Variants in ATRNL1 observed in about 807,000 individuals in gnomAD.
ATRNL1 encodes attractin like 1.
ATRNL1 carries 95 observed loss-of-function variants against 182.7 expected under a neutral mutation model. That is an observed-to-expected ratio of 0.52 (90% CI 0.44 to 0.62). The LOEUF is 0.62. ATRNL1 is among the 20% of genes least tolerant of loss of function. ATRNL1 has a pLI of 0.00. For missense variants in ATRNL1, 1,471 were observed against 1,679.5 expected, an observed-to-expected ratio of 0.88 and a Z score of 2.17; for synonymous variants, 576 against 568.3, an observed-to-expected ratio of 1.01 and a Z score of -0.19.
intron 25 of ATRNL1, among the ~76,000 whole-genome samples, chr10:115,540,721 C>G (rs899502564): frequency 1.3e-5 from 2 of 148,592 alleles, no homozygotes; most frequent in African/African-American, 2.5e-5. Context: ...CATGCCATTG[C>G]ACTCCAGCCT....
chr10:115,763,420 G>C lies in ATRNL1; in HGVS notation c.3903+36065G>C, dbSNP rs533684399. 2.6e-5 allele frequency among the ~76,000 whole-genome samples: 4 copies of C among 152,260 alleles called. No homozygotes were observed. The East Asian group carries it at 7.7e-4, about 29-fold the overall frequency. ...GAAACTAATTATGCTCAGGAGAAGTGGGGTAATTATTTCAATGAGAGGGCA... is the reference window on the plus strand; with the variant it reads ...GAAACTAATTATGCTCAGGAGAAGTCGGGTAATTATTTCAATGAGAGGGCA... On this transcript the variant is annotated intron_variant, in intron 27 of 28. Coordinates refer to ENST00000355044, the MANE Select transcript of ATRNL1 (RefSeq NM_207303.4).
At chr10:115,493,252 C>T (rs1343720265) in intron 24 of ATRNL1, among the ~76,000 whole-genome samples, 2 of 152,018 alleles carry the variant, frequency 1.3e-5, no homozygotes, top group African/African-American at 4.8e-5. Flanking sequence ...AGTTTTCAAT[C>T]CTCACCCTCC....
Position 115,160,162 on chromosome 10 carries a change from T to G in ATRNL1, c.952T>G (p.Trp318Gly). The G allele has an allele frequency of 6.2e-7, 1 of 1,612,724 alleles. No homozygotes were observed. Among genetic ancestry groups the G allele is most frequent in the Non-Finnish European group, 8.5e-7 (1 of 1,179,108 alleles). ...AGCAGTTTTACACGGGAAATTTATGTGGGTGATTGGTGGATATACTTTTAA... is the reference window on the plus strand; with the variant it reads ...AGCAGTTTTACACGGGAAATTTATGGGGGTGATTGGTGGATATACTTTTAA... ...HKAVLHGKFM[W>G]VIGGYTFNYS... Residue 318 changes from tryptophan (W) to glycine (G), a missense_variant, in exon 6 of 29, where the codon TGG becomes GGG. Coordinates refer to ENST00000355044, the MANE Select transcript of ATRNL1 (RefSeq NM_207303.4).
intron 21 of ATRNL1, among the ~76,000 whole-genome samples, chr10:115,438,544 G>A (rs1355936229): frequency 2.0e-5 from 3 of 151,866 alleles, no homozygotes; most frequent in South Asian, 2.1e-4. Context: ...TCTTGTATAC[G>A]TTAAAAGCCT....
At chr10:115,714,959 C>T (rs537407353) in intron 26 of ATRNL1, among the ~76,000 whole-genome samples, 27 of 152,264 alleles carry the variant, frequency 1.8e-4, no homozygotes, top group Admixed American at 7.2e-4. Flanking sequence ...TAAGCCAATA[C>T]ATTCAAGAAA....
chr10:115,341,570 C>T (rs1855753608), intron 19 of ATRNL1, among the ~76,000 whole-genome samples: 1 of 152,046 alleles, frequency 6.6e-6, no homozygotes, highest in African/African-American at 2.4e-5. Flanking sequence ...TGTTGATTTT[C>T]TTCGAAGAAA....
rs1472563224 is a variant in ATRNL1 at position 115,587,407 on chromosome 10, T to C, written c.3795+37871T>C. Among the ~76,000 whole-genome samples the C allele has an allele frequency of 7.2e-5, 11 of 151,900 alleles. No homozygotes were observed. In the South Asian group the frequency reaches 1.7e-3, roughly 23 times the overall value. On this transcript the variant is annotated intron_variant, in intron 26 of 28. Transcript: ENST00000355044. Reference sequence around the variant, plus strand: ...CTCAGACTGCTGTGCTAGCAATCAGTGAGACTCCGTGGGCATAGGACCCTC... The same window carrying C: ...CTCAGACTGCTGTGCTAGCAATCAGCGAGACTCCGTGGGCATAGGACCCTC...
rs559411083 is a variant in ATRNL1 at position 115,500,088 on chromosome 10, A to G, written c.3655-19175A>G. 1.5e-4 allele frequency among the ~76,000 whole-genome samples: 23 copies of G among 152,282 alleles called. No homozygotes were observed. The South Asian group carries it at 3.5e-3, about 23-fold the overall frequency. On this transcript the variant is annotated intron_variant, in intron 24 of 28. Transcript: ENST00000355044. Reference sequence around the variant, plus strand: ...ATAGGGGGAGGAAGGGAGAAAAACAACCACAAACAAAGGAACAATCCTGGA... The same window carrying G: ...ATAGGGGGAGGAAGGGAGAAAAACAGCCACAAACAAAGGAACAATCCTGGA...
rs185704456 is a variant in ATRNL1 at position 115,624,654 on chromosome 10, G to C, written c.3795+75118G>C. 3.7e-3 allele frequency among the ~76,000 whole-genome samples: 565 copies of C among 152,222 alleles called. 3 individuals carry two copies. Among genetic ancestry groups the C allele is most frequent in the African/African-American group, 0.013 (538 of 41,538 alleles). On this transcript the variant is annotated intron_variant, in intron 26 of 28. Coordinates refer to ENST00000355044, the MANE Select transcript of ATRNL1 (RefSeq NM_207303.4). ...GAAGTAGGCCATGATGAGAGTGTTT[G>C]CAACACAGAAATCTGCAAACCCTGC... is the stretch of plus-strand genomic sequence containing the variant.
Position 115,799,784 on chromosome 10 carries a change from A to G in ATRNL1, c.3904-48093A>G, listed in dbSNP as rs192666994. ...TACACAGCTGAATTTCTGGGGCACT[A>G]CTTATTGCATTATGGCAGTTTTGTT... On this transcript the variant is annotated intron_variant, in intron 27 of 28. Transcript: ENST00000355044. Among the ~76,000 whole-genome samples the G allele has an allele frequency of 2.1e-3, 313 of 152,326 alleles. 3 individuals carry two copies. Among genetic ancestry groups the G allele is most frequent in the Non-Finnish European group, 3.5e-3 (241 of 68,018 alleles).
intron 9 of ATRNL1, among the ~76,000 whole-genome samples, chr10:115,222,172 A>G (rs905867116): frequency 1.5e-4 from 23 of 152,186 alleles, no homozygotes; most frequent in African/African-American, 5.5e-4. Flanking sequence ...TGAGTAAATT[A>G]AGAATTCCTT....
At position 115,150,232 on chromosome 10, in the gene ATRNL1, AT is replaced by A. The variant is rs560840367; in HGVS notation, c.830-9799del. 7.3e-4 allele frequency among the ~76,000 whole-genome samples: 109 copies of A among 149,314 alleles called. 2 individuals carry two copies. The South Asian group carries it at 0.021, about 29-fold the overall frequency. On this transcript the variant is annotated intron_variant, in intron 5 of 28. Transcript: ENST00000355044. Reference sequence around the variant, plus strand: ...TGATTTTGTTGATTTGGGTTTTCTAATTTTTTTTTGTTGTTGTTGCTTAATC... The same window carrying A: ...TGATTTTGTTGATTTGGGTTTTCTAATTTTTTTTGTTGTTGTTGCTTAATC...
chr10:115,576,646 G>A (rs564656646), intron 26 of ATRNL1, among the ~76,000 whole-genome samples: 7 of 152,014 alleles, frequency 4.6e-5, no homozygotes, highest in African/African-American at 7.2e-5. Context: ...CCCCTTACAC[G>A]TACATGGTTT....
intron 17 of ATRNL1, among the ~76,000 whole-genome samples, chr10:115,314,012 G>A (rs1054158425): frequency 6.6e-6 from 1 of 152,104 alleles, no homozygotes; most frequent in Non-Finnish European, 1.5e-5. Context: ...ACTAAGGAGG[G>A]ACATGGTAAA....
intron 26 of ATRNL1, among the ~76,000 whole-genome samples, chr10:115,694,072 T>C (rs1946476747): frequency 6.6e-6 from 1 of 151,940 alleles, no homozygotes. Flanking sequence ...CCCTAAATCA[T>C]AGTACTTGTT....
intron 21 of ATRNL1, among the ~76,000 whole-genome samples, chr10:115,432,028 A>G (rs1437479488): frequency 6.6e-6 from 1 of 152,132 alleles, no homozygotes; most frequent in Non-Finnish European, 1.5e-5. Context: ...TCCAATACAA[A>G]TATGATGTGA....
At chr10:115,689,404 G>C (rs1483730113) in intron 26 of ATRNL1, among the ~76,000 whole-genome samples, 1 of 152,112 alleles carries the variant, frequency 6.6e-6, no homozygotes, top group Non-Finnish European at 1.5e-5. Context: ...TTGCCTCTTA[G>C]CACTGCTTTG....
chr10:115,430,065 T>C (rs539868133), intron 21 of ATRNL1, among the ~76,000 whole-genome samples: 1 of 152,262 alleles, frequency 6.6e-6, no homozygotes, highest in East Asian at 1.9e-4. Flanking sequence ...AGTGAGACTC[T>C]GTCTCAAAAA....
intron 5 of ATRNL1, among the ~76,000 whole-genome samples, chr10:115,145,270 C>A (rs1373584713): frequency 1.3e-5 from 2 of 152,062 alleles, no homozygotes; most frequent in African/African-American, 2.4e-5. Context: ...TCTGCCTCAA[C>A]CATAGTGTCA....
Sources: allele counts gnomAD v4.1 joint callset (sites outside exome capture counted in the v4.1 genomes callset), GRCh38; gene constraint gnomAD v4.1.1; transcripts MANE v1.5; gene names NCBI Gene and HGNC (gene_info 2026-07-23, HGNC 2026-07-21).